Variants in SRBD1 observed in about 807,000 individuals in gnomAD.
SRBD1 encodes S1 RNA binding domain 1.
A neutral mutation model predicts 115.3 loss-of-function variants in SRBD1; 88 were observed. That is an observed-to-expected ratio of 0.76 (90% CI 0.64 to 0.91). The LOEUF is 0.91. SRBD1 is among the 40% of genes least tolerant of loss of function. SRBD1 has a pLI of 0.00. For missense variants in SRBD1, 1,385 were observed against 1,177.4 expected (o/e 1.18, Z -2.58); for synonymous variants, 509 against 407.7 (o/e 1.25, Z -2.99).
chr2:45,607,783 AT>A (rs1244223309), intron 1 of SRBD1, among the ~76,000 whole-genome samples: 3 of 152,218 alleles, frequency 2.0e-5, no homozygotes, highest in Admixed American at 6.5e-5. Flanking sequence ...CTGTAAGTTT[AT>A]TCTCTGGAGA....
At chr2:45,599,926 T>G (rs1674039873) in intron 3 of SRBD1, 91 bp from the exon 4 acceptor site, 1 of 1,365,310 alleles carries the variant, frequency 7.3e-7, no homozygotes, top group Non-Finnish European at 9.8e-7. Flanking sequence ...AACAAATTAT[T>G]GATACACACA....
chr2:45,420,009 A>T, intron 16 of SRBD1, 115 bp from the exon 17 acceptor site: 2 of 917,242 alleles, frequency 2.2e-6, no homozygotes, highest in Non-Finnish European at 3.4e-6. Flanking sequence ...AAATTTCTTC[A>T]TTCCTCTTAG....
intron 14 of SRBD1, among the ~76,000 whole-genome samples, chr2:45,541,820 G>T (rs964108692): frequency 6.6e-6 from 1 of 152,242 alleles, no homozygotes; most frequent in Non-Finnish European, 1.5e-5. Flanking sequence ...CAACATTTGT[G>T]TCAGTCTGGC....
chr2:45,573,146 G>A (rs1305524500), intron 9 of SRBD1, 61 bp downstream of exon 9: 5 of 1,485,364 alleles, frequency 3.4e-6, no homozygotes, highest in Middle Eastern at 2.0e-4. Context: ...AAAGTAGCAG[G>A]CAAATCCAAA....
At chr2:45,393,561 T>C (rs554897236) in intron 19 of SRBD1, among the ~76,000 whole-genome samples, 1 of 152,264 alleles carries the variant, frequency 6.6e-6, no homozygotes, top group East Asian at 1.9e-4. Flanking sequence ...TTTGTATTTT[T>C]AGTAGAGACG....
chr2:45,501,650 C>A (rs1205932258), intron 14 of SRBD1, among the ~76,000 whole-genome samples: 2 of 152,190 alleles, frequency 1.3e-5, no homozygotes. Flanking sequence ...ATATCCCACG[C>A]CTGGCTCGGA....
At chr2:45,409,138 C>T (rs1667521773) in intron 19 of SRBD1, among the ~76,000 whole-genome samples, 1 of 152,084 alleles carries the variant, frequency 6.6e-6, no homozygotes, top group African/African-American at 2.4e-5. Context: ...GGGAGGATTG[C>T]TTGAGCTCAG....
chr2:45,592,592 C>G (rs1270329310), intron 4 of SRBD1, among the ~76,000 whole-genome samples: 1 of 152,138 alleles, frequency 6.6e-6, no homozygotes, highest in Admixed American at 6.5e-5. Flanking sequence ...GCCCCTCAGT[C>G]GAATTCTTTG....
At chr2:45,506,131 G>A (rs1670790266) in intron 14 of SRBD1, among the ~76,000 whole-genome samples, 2 of 152,098 alleles carry the variant, frequency 1.3e-5, no homozygotes, top group South Asian at 4.2e-4. Flanking sequence ...GTTTAGGGAG[G>A]AGTATTTACT....
chr2:45,431,685 G>C (rs1470259481), intron 16 of SRBD1, among the ~76,000 whole-genome samples: 2 of 152,142 alleles, frequency 1.3e-5, no homozygotes, highest in African/African-American at 4.8e-5. Flanking sequence ...TGGATGATGG[G>C]TTGATGGGTG....
chr2:45,481,635 G>A (rs1558423896), intron 15 of SRBD1, among the ~76,000 whole-genome samples: 1 of 151,996 alleles, frequency 6.6e-6, no homozygotes, highest in Non-Finnish European at 1.5e-5. Flanking sequence ...AGGAGAAATG[G>A]AAACATATGT....
At chr2:45,557,072 T>C (rs982686219) in intron 10 of SRBD1, among the ~76,000 whole-genome samples, 1 of 152,022 alleles carries the variant, frequency 6.6e-6, no homozygotes, top group Non-Finnish European at 1.5e-5. Context: ...AATTATAGCA[T>C]ATGTAAAAGC....
intron 14 of SRBD1, among the ~76,000 whole-genome samples, chr2:45,536,720 A>C (rs1481828850): frequency 6.6e-6 from 1 of 152,140 alleles, no homozygotes; most frequent in Non-Finnish European, 1.5e-5. Context: ...TACATATCCC[A>C]ATGTGTTCTC....
chr2:45,589,206 T>C (rs960614643), intron 4 of SRBD1, among the ~76,000 whole-genome samples: 7 of 152,182 alleles, frequency 4.6e-5, no homozygotes, highest in Non-Finnish European at 1.0e-4. Flanking sequence ...TAAGCTCCAA[T>C]GACTCTTAGC....
chr2:45,485,938 C>CA lies in SRBD1; in HGVS notation c.1966+2301dup, dbSNP rs1244341787. On this transcript the variant is annotated intron_variant, in intron 15 of 20. Transcript: ENST00000263736. ...ACTCCAGGACCAGATTTTAAAGACTCAAAGTTTCTAGGTATATATTAAACA... is the reference window on the plus strand; with the variant it reads ...ACTCCAGGACCAGATTTTAAAGACTCAAAAGTTTCTAGGTATATATTAAACA... 2.0e-5 allele frequency among the ~76,000 whole-genome samples: 3 copies of CA among 152,140 alleles called. No individual in the cohort carries two copies. In the East Asian group the frequency reaches 5.8e-4, roughly 29 times the overall value.
intron 14 of SRBD1, among the ~76,000 whole-genome samples, chr2:45,523,042 G>T (rs1387237332): frequency 6.6e-6 from 1 of 151,892 alleles, no homozygotes; most frequent in African/African-American, 2.4e-5. Flanking sequence ...CCAAGCATGT[G>T]ATATAAAGGA....
intron 10 of SRBD1, among the ~76,000 whole-genome samples, chr2:45,558,074 T>A (rs898263072): frequency 6.6e-6 from 1 of 152,160 alleles, no homozygotes; most frequent in African/African-American, 2.4e-5. Flanking sequence ...AGAGACAGTT[T>A]CCCTTAAACC....
intron 14 of SRBD1, among the ~76,000 whole-genome samples, chr2:45,520,648 G>C (rs1336301898): frequency 2.6e-5 from 4 of 151,780 alleles, no homozygotes; most frequent in Non-Finnish European, 5.9e-5. Flanking sequence ...CAGATGAAGA[G>C]ACAAGCAAAT....
At chr2:45,429,301 C>G (rs1334757895) in intron 16 of SRBD1, among the ~76,000 whole-genome samples, 1 of 152,066 alleles carries the variant, frequency 6.6e-6, no homozygotes, top group East Asian at 1.9e-4. Context: ...TTTAATGAGG[C>G]CAGCATCATC....
Sources: allele counts gnomAD v4.1 joint callset (sites outside exome capture counted in the v4.1 genomes callset), GRCh38; gene constraint gnomAD v4.1.1; transcripts MANE v1.5; gene names NCBI Gene and HGNC (gene_info 2026-07-23, HGNC 2026-07-21).